Variants in SAMD4B observed in about 807,000 individuals in gnomAD.
SAMD4B encodes the protein protein Smaug homolog 2.
Under a neutral mutation model 74.5 loss-of-function variants are expected in SAMD4B, and 5 were observed. That is an observed-to-expected ratio of 0.07 (90% CI 0.04 to 0.14). The LOEUF (loss-of-function observed/expected upper bound fraction) is 0.14. SAMD4B is among the 10% of genes least tolerant of loss of function. The pLI, the probability that SAMD4B is intolerant of heterozygous loss-of-function variation, is 1.00. For synonymous variants in SAMD4B, 373 were observed against 374.9 expected (o/e 1.00, Z 0.06); for missense variants, 608 against 921.8 (o/e 0.66, Z 4.41).
chr19:39,377,397 G>A, intron 7 of SAMD4B, 88 bp from the exon 8 acceptor site: 1 of 1,214,358 alleles, frequency 8.2e-7, no homozygotes, highest in East Asian at 2.4e-5. Context: ...CCAGCCTTCT[G>A]CAAGCCCTGT....
chr19:39,382,813 T>C (rs1417639235), intron 12 of SAMD4B, among the ~76,000 whole-genome samples: 1 of 152,142 alleles, frequency 6.6e-6, no homozygotes, highest in Non-Finnish European at 1.5e-5. Context: ...TTGATTTAGC[T>C]TTTGCACCAA....
At chr19:39,346,314 G>T (rs2075698225) in intron 1 of SAMD4B, among the ~76,000 whole-genome samples, 1 of 152,166 alleles carries the variant, frequency 6.6e-6, no homozygotes, top group South Asian at 2.1e-4. Flanking sequence ...TTGGGACAAT[G>T]ATGGTGCCCC....
In SAMD4B at chr19:39,381,011, G is replaced by C; in HGVS notation, c.1870G>C (p.Gly624Arg). The C allele has an allele frequency of 6.2e-7, 1 of 1,611,254 alleles. No individual in the cohort carries two copies. The highest frequency in any genetic ancestry group is 8.5e-7 in the Non-Finnish European group (1 of 1,179,150). ...GTAGAACCTGTGGTTTGCCAACCCTGGAGGCAGCAACAGCATGCCCAGTCA... is the reference window on the plus strand; with the variant it reads ...GTAGAACCTGTGGTTTGCCAACCCTCGAGGCAGCAACAGCATGCCCAGTCA... ...GRQNLWFANP[G>R]GSNSMPSQSR... Residue 624 changes from glycine (G) to arginine (R), a missense_variant, in exon 12 of 14, where the codon GGA becomes CGA. Gly to Arg is a moderately radical substitution (Grantham distance 125, BLOSUM62 -2). This residue lies in a region of SAMD4B where 167 missense variants were observed against 193.0 expected (regional missense o/e 0.87). Coordinates refer to ENST00000610417, the MANE Select transcript of SAMD4B (RefSeq NM_001384574.2).
At chr19:39,347,527 G>A (rs1014311136) in intron 1 of SAMD4B, among the ~76,000 whole-genome samples, 4 of 152,192 alleles carry the variant, frequency 2.6e-5, no homozygotes, top group African/African-American at 9.7e-5. Context: ...GGTCTAGAGA[G>A]AGCTTGTGGC....
chr19:39,358,862 C>T (rs1321351719), intron 3 of SAMD4B, among the ~76,000 whole-genome samples: 1 of 152,206 alleles, frequency 6.6e-6, no homozygotes, highest in African/African-American at 2.4e-5. Context: ...AGCCACACAG[C>T]TGCCTGGCCT....
At chr19:39,357,202 T>C in intron 3 of SAMD4B, 113 bp downstream of exon 3, 1 of 894,812 alleles carries the variant, frequency 1.1e-6, no homozygotes, top group Non-Finnish European at 1.6e-6. Flanking sequence ...GGTTCTAGGC[T>C]TGGTGGGTGG....
chr19:39,356,892 C>T lies in SAMD4B; in HGVS notation c.-2C>T. 1 of 1,604,418 alleles carries T rather than the reference C, an allele frequency of 6.2e-7. No individual in the cohort carries two copies. The highest frequency in any genetic ancestry group is 1.1e-5 in the South Asian group (1 of 90,598). ...CCCGACCCTGGCCCCAGGCCCGGCACCATGATGTTCCGAGACCAGGTGGGC... is the reference window on the plus strand; with the variant it reads ...CCCGACCCTGGCCCCAGGCCCGGCATCATGATGTTCCGAGACCAGGTGGGC... On this transcript the variant is annotated 5_prime_UTR_variant, in exon 3 of 14. Coordinates refer to ENST00000610417, the MANE Select transcript of SAMD4B (RefSeq NM_001384574.2).
chr19:39,369,952 C>G lies in SAMD4B; in HGVS notation c.494C>G (p.Ser165Cys). 1 of 1,613,930 alleles carries G rather than the reference C, an allele frequency of 6.2e-7. No homozygotes were observed. Among genetic ancestry groups the G allele is most frequent in the Non-Finnish European group, 8.5e-7 (1 of 1,179,940 alleles). Reference protein sequence around the residue: ...ASGFRSRPEPSYHSRQGSDEW... With the variant: ...ASGFRSRPEPCYHSRQGSDEW... ...GGCTTCCGCTCCCGGCCAGAGCCCT[C>G]CTACCATTCACGTCAAGGCTCAGAT... Residue 165 changes from serine to cysteine, a missense_variant, in exon 4 of 14, where the codon TCC becomes TGC. By Grantham distance (112) the Ser-to-Cys change is moderately radical (BLOSUM62 -1). Coordinates refer to ENST00000610417, the MANE Select transcript of SAMD4B (RefSeq NM_001384574.2).
chr19:39,383,321 T>C lies in SAMD4B; in HGVS notation c.2056+30T>C, dbSNP rs1433969833. On this transcript the variant is annotated intron_variant, in intron 13 of 13. Coordinates refer to ENST00000610417, the MANE Select transcript of SAMD4B (RefSeq NM_001384574.2). The surrounding 1 kb of genome is among the most constrained non-coding windows in gnomAD (Gnocchi z 4.1). Reference sequence around the variant, plus strand: ...GCATTTCCTCTTTCCCTGACCCAGCTCCCACCTACCCAGCGTCTCTGCCTC... The same window carrying C: ...GCATTTCCTCTTTCCCTGACCCAGCCCCCACCTACCCAGCGTCTCTGCCTC... 5 of 1,608,648 alleles carry C rather than the reference T, an allele frequency of 3.1e-6. No individual in the cohort carries two copies. Among genetic ancestry groups the C allele is most frequent in the Non-Finnish European group, 3.4e-6 (4 of 1,175,068 alleles).
At position 39,376,798 on chromosome 19, in the gene SAMD4B, A is replaced by G. The variant is rs753808055; in HGVS notation, c.1104+7A>G. 4 of 1,613,286 alleles carry G rather than the reference A, an allele frequency of 2.5e-6. No homozygotes were observed. In the African/African-American group the frequency reaches 5.3e-5, roughly 22 times the overall value. On this transcript the variant is annotated splice_region_variant and intron_variant, in intron 7 of 13. Transcript: ENST00000610417. ...CCTCAAGTCCCTAGAGAAGGTGAGG[A>G]CCTGGTTTCTGCATCTTCAAGGCCA...
chr19:39,372,687 G>C (rs542084167), intron 4 of SAMD4B, among the ~76,000 whole-genome samples: 1 of 152,088 alleles, frequency 6.6e-6, no homozygotes, highest in Non-Finnish European at 1.5e-5. Context: ...GCCAAGCAGG[G>C]CTCCTCAGGA....
At chr19:39,343,996 C>A (rs1267345670) in intron 1 of SAMD4B, among the ~76,000 whole-genome samples, 3 of 111,460 alleles carry the variant, frequency 2.7e-5, no homozygotes, top group Non-Finnish European at 5.8e-5. Context: ...CCCCCCCCCA[C>A]ACACACACAC....
At chr19:39,386,829 T>C (rs1313891074), downstream of SAMD4B, 6 of 1,493,000 alleles carry the variant, frequency 4.0e-6, no homozygotes, top group Admixed American at 1.7e-5. The surrounding 1 kb of genome is among the most constrained non-coding windows in gnomAD (Gnocchi z 6.1). Flanking sequence ...GAGAGAGAAG[T>C]GGAAGATGCA....
At chr19:39,363,338 C>G (rs2076762602) in intron 3 of SAMD4B, among the ~76,000 whole-genome samples, 2 of 152,148 alleles carry the variant, frequency 1.3e-5, no homozygotes, top group African/African-American at 4.8e-5. Flanking sequence ...CCCCATCTGC[C>G]CACCTCCAGA....
intron 3 of SAMD4B, among the ~76,000 whole-genome samples, chr19:39,364,501 C>CA (rs1345701583): frequency 3.3e-5 from 5 of 152,256 alleles, no homozygotes; most frequent in African/African-American, 9.6e-5. Context: ...GAGGAGGAAG[C>CA]ATACTGCCCA....
chr19:39,381,339 CACCCCTTACTCCT>C (rs999660361), intron 12 of SAMD4B: 18 of 515,688 alleles, frequency 3.5e-5, no homozygotes, highest in Non-Finnish European at 6.1e-5. Flanking sequence ...CATCATCTCT[CACCCCTTACTCCT>C]ACCCCATCTC....
chr19:39,349,497 A>T (rs1216307492), intron 1 of SAMD4B, among the ~76,000 whole-genome samples: 2 of 152,138 alleles, frequency 1.3e-5, no homozygotes, highest in African/African-American at 2.4e-5. Context: ...AGCACCATTC[A>T]TACAAAAAGC....
At chr19:39,348,865 TTGATGA>T (rs1331415776) in intron 1 of SAMD4B, among the ~76,000 whole-genome samples, 1 of 152,110 alleles carries the variant, frequency 6.6e-6, no homozygotes, top group Non-Finnish European at 1.5e-5. Flanking sequence ...AAAACAGGAC[TTGATGA>T]TGGGATTAGA....
At chr19:39,376,395 G>A in intron 5 of SAMD4B, 42 bp from the exon 6 acceptor site, 1 of 1,526,524 alleles carries the variant, frequency 6.6e-7, no homozygotes, top group Non-Finnish European at 9.0e-7. Context: ...CTGGTAATCT[G>A]GGCCAAACTC....
Sources: allele counts gnomAD v4.1 joint callset (sites outside exome capture counted in the v4.1 genomes callset), GRCh38; gene constraint gnomAD v4.1.1; regional missense constraint gnomAD v4.1.1; non-coding constraint Gnocchi (gnomAD v3.1); transcripts MANE v1.5; gene names NCBI Gene and HGNC (gene_info 2026-07-23, HGNC 2026-07-21).